ABI3BP: variants seen among roughly 807,000 people sequenced by gnomAD.
ABI3BP encodes the protein target of Nesh-SH3.
ABI3BP carries 216 observed loss-of-function variants against 268.6 expected under a neutral mutation model. The observed-to-expected ratio is 0.80, with a 90% CI of 0.72 to 0.90. The LOEUF (loss-of-function observed/expected upper bound fraction) is 0.90, where lower values mean the gene tolerates loss of function less well. ABI3BP is among the 40% of genes least tolerant of loss of function. ABI3BP has a pLI of 0.00. For synonymous variants in ABI3BP, 730 were observed against 730.0 expected (o/e 1.00, Z 0.00); for missense variants, 2,090 against 2,182.4 (o/e 0.96, Z 0.84).
chr3:100,749,909 T>A lies in ABI3BP; in HGVS notation c.*586A>T. 1 of 393,986 alleles carries A rather than the reference T, an allele frequency of 2.5e-6. No homozygotes were observed. The highest frequency in any genetic ancestry group is 4.5e-6 in the Non-Finnish European group (1 of 223,438). 24.4% of individuals were successfully genotyped at this position (393,986 alleles called of 1,614,324 possible). A position where few individuals can be genotyped will look rare whatever the true frequency, so the allele number is the denominator to read the frequency against. ...TGTGGATGTTTAAAGGAAATGTATA[T>A]TAGCATGAATGTGTAACTATTAAAC... is the stretch of plus-strand genomic sequence containing the variant. On this transcript the variant is annotated 3_prime_UTR_variant, in exon 68 of 68. Transcript: ENST00000471714.
At chr3:100,777,600 A>G (rs1210094371) in intron 59 of ABI3BP, among the ~76,000 whole-genome samples, 4 of 152,200 alleles carry the variant, frequency 2.6e-5, no homozygotes, top group Non-Finnish European at 5.9e-5. Flanking sequence ...TATGTCAAGG[A>G]CAAGAACAGA....
intron 2 of ABI3BP, among the ~76,000 whole-genome samples, chr3:100,906,986 T>A (rs568858886): frequency 2.0e-4 from 31 of 152,234 alleles, no homozygotes; most frequent in African/African-American, 6.5e-4. Flanking sequence ...CTAAAAGAAA[T>A]TAGGTAAGGG....
Position 100,963,278 on chromosome 3 carries a change from T to G in ABI3BP, c.79+30028A>C, listed in dbSNP as rs1229078048. ...ACAAAGGCAAAGTTATGATTCACAT[T>G]CTCAATGACTACATTTTTTCAATGC... is the stretch of plus-strand genomic sequence containing the variant. On this transcript the variant is annotated intron_variant, in intron 1 of 67. Transcript: ENST00000471714. Among the ~76,000 whole-genome samples the G allele has an allele frequency of 2.0e-5, 3 of 152,162 alleles. No homozygotes were observed. In the East Asian group the frequency reaches 5.8e-4, roughly 29 times the overall value.
intron 1 of ABI3BP, among the ~76,000 whole-genome samples, chr3:100,943,759 A>G (rs1345317396): frequency 6.6e-6 from 1 of 152,144 alleles, no homozygotes; most frequent in Non-Finnish European, 1.5e-5. Context: ...TCACAGTAGT[A>G]TTCAGATAGT....
At chr3:100,820,354 T>C (rs1456030465) in intron 39 of ABI3BP, 51 bp from the exon 40 acceptor site, 14 of 1,366,854 alleles carry the variant, frequency 1.0e-5, no homozygotes, top group Non-Finnish European at 1.2e-5. Context: ...TCCGAAGCTA[T>C]GAGTAGCATG....
intron 2 of ABI3BP, among the ~76,000 whole-genome samples, chr3:100,923,683 C>T (rs922237655): frequency 6.6e-6 from 1 of 151,936 alleles, no homozygotes; most frequent in Non-Finnish European, 1.5e-5. Context: ...AACTTTTGTA[C>T]CAACCTAATA....
chr3:100,861,036 G>A (rs1432583920), intron 14 of ABI3BP, among the ~76,000 whole-genome samples: 4 of 152,116 alleles, frequency 2.6e-5, no homozygotes, highest in Non-Finnish European at 4.4e-5. Context: ...CCAGATTTTA[G>A]ACCCAGGCGA....
chr3:100,968,742 G>A (rs2082297879), intron 1 of ABI3BP, among the ~76,000 whole-genome samples: 1 of 151,886 alleles, frequency 6.6e-6, no homozygotes, highest in Non-Finnish European at 1.5e-5. Context: ...CAGAACGTGC[G>A]GGTTTGTTAC....
chr3:100,817,888 C>G (rs1289039226), intron 41 of ABI3BP, among the ~76,000 whole-genome samples: 2 of 152,058 alleles, frequency 1.3e-5, no homozygotes. Context: ...ACTATGGATA[C>G]AATAAAGAGT....
At chr3:100,842,071 T>C (rs1279921586) in intron 20 of ABI3BP, 32 bp from the exon 21 acceptor site, 2 of 1,504,396 alleles carry the variant, frequency 1.3e-6, no homozygotes, top group Non-Finnish European at 1.8e-6. Context: ...TCAAAAGCAA[T>C]GCTGAAGAGC....
intron 1 of ABI3BP, among the ~76,000 whole-genome samples, chr3:100,972,161 A>T (rs1401770005): frequency 6.6e-6 from 1 of 152,220 alleles, no homozygotes; most frequent in Non-Finnish European, 1.5e-5. Flanking sequence ...TTAAAACAAC[A>T]TCTGCATTAT....
Position 100,850,127 on chromosome 3 carries a change from C to T in ABI3BP, c.1427-8G>A. ...ATGGTGTTTCACTTGGAGCTGAAAG[C>T]ACAAACACCCCAACCCATCAAATAA... On this transcript the variant is annotated splice_region_variant and splice_polypyrimidine_tract_variant and intron_variant, in intron 16 of 67. Coordinates refer to ENST00000471714, the MANE Select transcript of ABI3BP (RefSeq NM_001375547.2). 1 of 1,602,364 alleles carries T rather than the reference C, an allele frequency of 6.2e-7. No homozygotes were observed. Among genetic ancestry groups the T allele is most frequent in the Non-Finnish European group, 8.5e-7 (1 of 1,174,044 alleles).
intron 1 of ABI3BP, among the ~76,000 whole-genome samples, chr3:100,956,503 C>T (rs1230651478): frequency 1.3e-5 from 2 of 152,144 alleles, no homozygotes; most frequent in Non-Finnish European, 2.9e-5. Flanking sequence ...AAGCAATTGA[C>T]CAGATGGAGC....
chr3:100,934,031 G>A lies in ABI3BP; in HGVS notation c.80-7550C>T, dbSNP rs150425655. ...AAGTTCTGGGGTACATGTGCAGAAC[G>A]TGCATGTTTGTTACATAAGTATACA... On this transcript the variant is annotated intron_variant, in intron 1 of 67. Transcript: ENST00000471714. Among the ~76,000 whole-genome samples the A allele has an allele frequency of 4.3e-3, 646 of 151,938 alleles. 2 individuals are homozygous for A. The highest frequency in any genetic ancestry group is 0.014 in the African/African-American group (596 of 41,496).
intron 2 of ABI3BP, among the ~76,000 whole-genome samples, chr3:100,906,676 T>TAATTAAAATATTAAGCA (rs1455298148): frequency 2.6e-5 from 4 of 152,240 alleles, no homozygotes; most frequent in African/African-American, 9.6e-5. Context: ...TGTTGCAGAC[T>TAATTAAAATATTAAGCA]AATTAAATCT....
chr3:100,791,712 A>G (rs1390289850), intron 55 of ABI3BP, among the ~76,000 whole-genome samples: 3 of 151,880 alleles, frequency 2.0e-5, no homozygotes, highest in Non-Finnish European at 2.9e-5. Context: ...TTAAAACGTA[A>G]CAAAAAGTTA....
intron 49 of ABI3BP, among the ~76,000 whole-genome samples, chr3:100,810,032 T>C (rs978515450): frequency 6.6e-6 from 1 of 152,128 alleles, no homozygotes; most frequent in Non-Finnish European, 1.5e-5. Context: ...TTTCTTTTAA[T>C]GTCAAAAGCA....
chr3:100,876,626 T>C (rs964543015), intron 6 of ABI3BP, 66 bp from the exon 7 acceptor site: 6 of 1,429,862 alleles, frequency 4.2e-6, no homozygotes, highest in Non-Finnish European at 5.9e-6. Context: ...TTTAAAACGT[T>C]CGGAGAACTG....
At chr3:100,908,605 C>T (rs1484356521) in intron 2 of ABI3BP, among the ~76,000 whole-genome samples, 1 of 152,034 alleles carries the variant, frequency 6.6e-6, no homozygotes, top group Admixed American at 6.6e-5. Context: ...CGTTCTTATA[C>T]ACCAATAACA....
Sources: gnomAD v4.1 joint callset for allele counts (sites outside exome capture counted in the v4.1 genomes callset) on GRCh38, gnomAD v4.1.1 for gene constraint, MANE v1.5 for transcripts, NCBI Gene and HGNC (gene_info 2026-07-23, HGNC 2026-07-21) for gene names.